Variants in SPATA13 observed in about 807,000 individuals in gnomAD.
The protein encoded by SPATA13 is spermatogenesis-associated protein 13.
A neutral mutation model predicts 104.0 loss-of-function variants in SPATA13; 50 were observed. The observed-to-expected ratio is 0.48, with a 90% confidence interval of 0.38 to 0.61. The LOEUF (loss-of-function observed/expected upper bound fraction) is 0.61, where lower values mean the gene tolerates loss of function less well. Among genes scored for constraint, SPATA13 ranks in the 20% least tolerant of loss-of-function variants. The probability of loss-of-function intolerance (pLI) is 0.00; values close to 1 mark genes in which losing one functional copy is unlikely to be tolerated. For synonymous variants in SPATA13, 606 were observed against 667.5 expected (o/e 0.91, Z 1.42); for missense variants, 1,524 against 1,690.6 (o/e 0.90, Z 1.73).
rs529915957 is a variant in SPATA13, at chr13:24,018,463, T to G, written c.-112+762T>G. Among the ~76,000 whole-genome samples the G allele has an allele frequency of 2.6e-5, 4 of 152,364 alleles. No individual in the cohort carries two copies. In the East Asian group the frequency reaches 7.7e-4, roughly 29 times the overall value. ...TAAATGAAATATCTTTTTAAATTCC[T>G]TTTTCTCCAATTAAAGTGGAACGCA... On this transcript the variant is annotated intron_variant, in intron 3 of 14. Coordinates refer to the SPATA13 transcript ENST00000424834.
At chr13:23,994,524 G>A (rs1247313999) in intron 2 of SPATA13, among the ~76,000 whole-genome samples, 3 of 152,218 alleles carry the variant, frequency 2.0e-5, no homozygotes, top group Non-Finnish European at 4.4e-5. Flanking sequence ...ATGACTGCAG[G>A]TGCCTTTCAG....
intron 2 of SPATA13, among the ~76,000 whole-genome samples, chr13:24,239,830 A>C (rs896532865): frequency 4.0e-5 from 6 of 151,392 alleles, no homozygotes; most frequent in African/African-American, 1.5e-4. Context: ...AAGTAAGTTC[A>C]TTTTTATAAA....
At chr13:24,281,257 C>G (rs771454979) in intron 4 of SPATA13, among the ~76,000 whole-genome samples, 9 of 152,254 alleles carry the variant, frequency 5.9e-5, no homozygotes, top group Non-Finnish European at 1.2e-4. Flanking sequence ...CCAACCCCGT[C>G]TCTTGGTCTC....
chr13:24,208,031 G>A (rs1046331656), intron 1 of SPATA13, among the ~76,000 whole-genome samples: 1 of 152,224 alleles, frequency 6.6e-6, no homozygotes, highest in Non-Finnish European at 1.5e-5. Context: ...AGTTGGAGCC[G>A]CACTGCCTGA....
At chr13:24,236,437 A>G (rs1033594910) in intron 2 of SPATA13, among the ~76,000 whole-genome samples, 1 of 151,068 alleles carries the variant, frequency 6.6e-6, no homozygotes, top group African/African-American at 2.4e-5. Flanking sequence ...CTAAAAATAT[A>G]AAAAAAAATT....
chr13:24,279,119 G>A (rs901153120), intron 4 of SPATA13, among the ~76,000 whole-genome samples: 7 of 152,116 alleles, frequency 4.6e-5, no homozygotes, highest in African/African-American at 1.7e-4. Context: ...CATTATAGAC[G>A]GTGACAAATG....
intron 3 of SPATA13, among the ~76,000 whole-genome samples, chr13:24,025,793 T>TTTTC (rs1361565005): frequency 4.9e-5 from 7 of 142,864 alleles, no homozygotes; most frequent in South Asian, 2.4e-4. Context: ...ATCTTTTACC[T>TTTTC]TTTCTTTCTT....
chr13:24,059,508 G>A (rs970522925), intron 3 of SPATA13, among the ~76,000 whole-genome samples: 5 of 152,144 alleles, frequency 3.3e-5, no homozygotes, highest in African/African-American at 1.2e-4. Context: ...TTACACTAAC[G>A]CTTTTGTTTC....
chr13:23,982,345 T>A (rs1470216093), intron 1 of SPATA13, among the ~76,000 whole-genome samples: 1 of 152,192 alleles, frequency 6.6e-6, no homozygotes, highest in Non-Finnish European at 1.5e-5. Context: ...TATTTTACTG[T>A]TAAAATTTTA....
At chr13:24,271,059 A>ACTCTCTCTCTCTCTCTCC (rs941130113) in intron 4 of SPATA13, 1 of 575,374 alleles carries the variant, frequency 1.7e-6, no homozygotes, top group African/African-American at 2.5e-5. Flanking sequence ...TCTCTCTCTC[A>ACTCTCTCTCTCTCTCTCC]CTCTCTCTCT....
intron 1 of SPATA13, among the ~76,000 whole-genome samples, chr13:24,201,755 T>G (rs1870417578): frequency 6.6e-6 from 1 of 152,224 alleles, no homozygotes; most frequent in Non-Finnish European, 1.5e-5. Context: ...TCACTCTTGA[T>G]GTACATTCTA....
chr13:24,023,504 C>T (rs1328040420), intron 3 of SPATA13, among the ~76,000 whole-genome samples: 1 of 152,062 alleles, frequency 6.6e-6, no homozygotes, highest in Non-Finnish European at 1.5e-5. Context: ...TGTCCTATTC[C>T]CTGGCATTTG....
rs1873899984 is a variant in SPATA13 at position 24,258,455 on chromosome 13, C to G, written c.2164+6593C>G. On this transcript the variant is annotated intron_variant, in intron 4 of 12. Coordinates refer to ENST00000382108, the MANE Select transcript of SPATA13 (RefSeq NM_001166271.3). ...GCTGAGGTCGGCAGATCACTTGAGCCCACAAGTTTGAGACCAGCCTGGCCA... is the reference window on the plus strand; with the variant it reads ...GCTGAGGTCGGCAGATCACTTGAGCGCACAAGTTTGAGACCAGCCTGGCCA... 3.3e-5 allele frequency among the ~76,000 whole-genome samples: 5 copies of G among 151,618 alleles called. No homozygotes were observed. The South Asian group carries it at 1.0e-3, about 31-fold the overall frequency.
At position 24,134,463 on chromosome 13, in the gene SPATA13, A is replaced by G. The variant is rs371433790; in HGVS notation, c.-111-88356A>G. ...GGTGCGCCTGCTACATAGAGGTCGT[A>G]TGGATGCCGAGAGCAGCACATCTCT... On this transcript the variant is annotated intron_variant, in intron 3 of 14. Transcript: ENST00000424834. 1.4e-4 allele frequency among the ~76,000 whole-genome samples: 22 copies of G among 152,314 alleles called. 1 individual carries two copies. The South Asian group carries it at 4.6e-3, about 32-fold the overall frequency.
intron 1 of SPATA13, among the ~76,000 whole-genome samples, chr13:24,183,719 C>A (rs1216052411): frequency 1.3e-5 from 2 of 151,932 alleles, no homozygotes; most frequent in African/African-American, 4.8e-5. Flanking sequence ...AGATTGGACA[C>A]CCCTGCTTTA....
At chr13:24,222,092 C>T (rs1017084373) in intron 1 of SPATA13, among the ~76,000 whole-genome samples, 1 of 152,198 alleles carries the variant, frequency 6.6e-6, no homozygotes, top group Non-Finnish European at 1.5e-5. Context: ...GGATTACAGG[C>T]GTGAGCCACT....
chr13:24,277,249 C>A (rs1452427811), intron 4 of SPATA13, among the ~76,000 whole-genome samples: 1 of 151,864 alleles, frequency 6.6e-6, no homozygotes, highest in Non-Finnish European at 1.5e-5. Flanking sequence ...TCGAGACCAT[C>A]CTGGCTAACA....
In SPATA13 at chr13:24,286,094, C is replaced by A; in HGVS notation, c.2302-120C>A. On this transcript the variant is annotated intron_variant, in intron 5 of 12. Coordinates refer to ENST00000382108, the MANE Select transcript of SPATA13 (RefSeq NM_001166271.3). This position sits in a 1 kb window ranked among gnomAD's most constrained non-coding sequence, Gnocchi z 4.9. The stretch of plus-strand genomic sequence containing the variant: ...TCACATAGTCAGTGTGGACCAAATG[C>A]CACCAGCATATCCAAGTGAGAGGAT... 1 of 945,304 alleles carries A rather than the reference C, an allele frequency of 1.1e-6. No individual in the cohort carries two copies. The highest frequency in any genetic ancestry group is 1.6e-6 in the Non-Finnish European group (1 of 633,156). 58.6% of individuals were successfully genotyped at this position (945,304 alleles called of 1,614,324 possible). A position where few individuals can be genotyped will look rare whatever the true frequency, so the allele number is the denominator to read the frequency against.
chr13:24,102,381 A>G (rs1308153513), intron 3 of SPATA13, among the ~76,000 whole-genome samples: 1 of 151,324 alleles, frequency 6.6e-6, no homozygotes, highest in East Asian at 1.9e-4. Context: ...CTGGATATTA[A>G]CTCTTCATCA....
Sources: allele counts gnomAD v4.1 joint callset (sites outside exome capture counted in the v4.1 genomes callset), GRCh38; gene constraint gnomAD v4.1.1; non-coding constraint Gnocchi (gnomAD v3.1); transcripts MANE v1.5; gene names NCBI Gene and HGNC (gene_info 2026-07-23, HGNC 2026-07-21).